The following NELL1 variants were observed in gnomAD, a reference collection of about 807,000 sequenced individuals.
NELL1 encodes protein kinase C-binding protein NELL1.
NELL1 carries 76 observed loss-of-function variants against 107.4 expected under a neutral mutation model. The observed-to-expected ratio is 0.71, with a 90% CI of 0.59 to 0.86. The LOEUF is 0.86. NELL1 is among the 40% of genes least tolerant of loss of function. The pLI is 0.00. For missense variants in NELL1, 1,024 were observed against 1,005.5 expected, an observed-to-expected ratio of 1.02 and a Z score of -0.25; for synonymous variants, 353 against 341.2, an observed-to-expected ratio of 1.03 and a Z score of -0.38.
At chr11:20,701,271 A>AT (rs1854777783) in intron 2 of NELL1, among the ~76,000 whole-genome samples, 3 of 152,164 alleles carry the variant, frequency 2.0e-5, no homozygotes, top group Admixed American at 2.0e-4. Flanking sequence ...CATGATGAGC[A>AT]TTTTTTCATG....
intron 14 of NELL1, among the ~76,000 whole-genome samples, chr11:21,368,815 A>G (rs959590739): frequency 2.0e-5 from 3 of 152,086 alleles, no homozygotes; most frequent in South Asian, 2.1e-4. Context: ...TCACAGTCAT[A>G]ACAATTCTGT....
rs140055766 is a variant in NELL1 at position 21,020,266 on chromosome 11, G to T, written c.1300+59706G>T. ...CATACCAACACAACATTATTGTGTG[G>T]TTCTCATACCATTTTACTTTAATTG... On this transcript the variant is annotated intron_variant, in intron 12 of 19. Coordinates refer to ENST00000357134, the MANE Select transcript of NELL1 (RefSeq NM_006157.5). Among the ~76,000 whole-genome samples, 383 of 152,224 alleles carry T rather than the reference G, an allele frequency of 2.5e-3. 3 individuals carry two copies. The highest frequency in any genetic ancestry group is 8.5e-3 in the African/African-American group (353 of 41,552).
At chr11:21,536,431 TATGA>T (rs1856140510) in intron 16 of NELL1, among the ~76,000 whole-genome samples, 1 of 152,192 alleles carries the variant, frequency 6.6e-6, no homozygotes, top group Admixed American at 6.5e-5. Context: ...ATGATTCACA[TATGA>T]ATTTCATTTT....
chr11:20,838,836 A>G (rs1848575911), intron 3 of NELL1, among the ~76,000 whole-genome samples: 1 of 152,150 alleles, frequency 6.6e-6, no homozygotes, highest in Admixed American at 6.6e-5. Context: ...AACCACCACT[A>G]TATATTTAGT....
chr11:21,215,276 T>C (rs1857589238), intron 13 of NELL1, among the ~76,000 whole-genome samples: 1 of 152,236 alleles, frequency 6.6e-6, no homozygotes, highest in African/African-American at 2.4e-5. Flanking sequence ...CTTCTTCTTC[T>C]GCCATGATTA....
chr11:20,975,851 T>C (rs960237099), intron 12 of NELL1, among the ~76,000 whole-genome samples: 2 of 137,646 alleles, frequency 1.5e-5, no homozygotes, highest in Non-Finnish European at 3.0e-5. Context: ...GTATTATATA[T>C]ACATATATGT....
chr11:21,189,286 A>C (rs1857000059), intron 13 of NELL1, among the ~76,000 whole-genome samples: 1 of 151,866 alleles, frequency 6.6e-6, no homozygotes, highest in Non-Finnish European at 1.5e-5. Context: ...TGTTATGTGC[A>C]TCTTTAATTT....
At chr11:21,229,068 C>T (rs981669104) in intron 13 of NELL1, among the ~76,000 whole-genome samples, 12 of 152,154 alleles carry the variant, frequency 7.9e-5, no homozygotes, top group Admixed American at 5.2e-4. Context: ...GAAGAAACAA[C>T]GGCCTTAGTG....
In NELL1 at chr11:20,885,679, A is replaced by G. The variant is rs555964013; in HGVS notation, c.603+139A>G. 15 of 608,030 alleles carry G rather than the reference A, an allele frequency of 2.5e-5. No individual in the cohort carries two copies. The African/African-American group carries it at 2.8e-4, about 11-fold the overall frequency. The allele number at this position is 608,030 out of a possible 1,614,324, so 37.7% of individuals were successfully genotyped here. ...AGCTACTAATGTTTATTGAACACTT[A>G]CTTTGTGACACATGCTTTTTTATGT... is the stretch of plus-strand genomic sequence containing the variant. On this transcript the variant is annotated intron_variant, in intron 5 of 19. Coordinates refer to ENST00000357134, the MANE Select transcript of NELL1 (RefSeq NM_006157.5).
chr11:20,815,670 TG>T (rs1857609007), intron 3 of NELL1, among the ~76,000 whole-genome samples: 1 of 152,200 alleles, frequency 6.6e-6, no homozygotes, highest in Admixed American at 6.5e-5. Context: ...AGGTCCCACT[TG>T]TTAATTTTTG....
chr11:21,305,613 A>G (rs1531005), intron 14 of NELL1, among the ~76,000 whole-genome samples: 78,461 of 151,032 alleles, frequency 0.52, 21,001 homozygotes, highest in Non-Finnish European at 0.57. Flanking sequence ...ACCAAACTAC[A>G]TATCTAGTAG....
intron 14 of NELL1, among the ~76,000 whole-genome samples, chr11:21,278,401 A>G (rs1590798400): frequency 6.6e-6 from 1 of 152,200 alleles, no homozygotes; most frequent in South Asian, 2.1e-4. Context: ...TAAAAAATCA[A>G]TTAAAAAATC....
In NELL1 at chr11:20,885,487, C is replaced by T. The variant is rs1409779456; in HGVS notation, c.550C>T (p.Pro184Ser). Residue 184 changes from proline to serine, a missense_variant, in exon 5 of 20, where the codon CCA (proline) becomes TCA (serine). Pro to Ser is a moderately conservative substitution (Grantham distance 74). Transcript: ENST00000357134. Reference sequence around the variant, plus strand: ...AGACCCTCCAGATACCAACCTTCCCCCAGGAATCAATTTATGGCTTGGCCA... The same window carrying T: ...AGACCCTCCAGATACCAACCTTCCCTCAGGAATCAATTTATGGCTTGGCCA... ...VIDPPDTNLP[P>S]GINLWLGQRN... 3 of 1,613,532 alleles carry T rather than the reference C, an allele frequency of 1.9e-6. No individual in the cohort carries two copies. The African/African-American group carries it at 4.0e-5, about 22-fold the overall frequency.
intron 4 of NELL1, among the ~76,000 whole-genome samples, chr11:20,885,197 A>G (rs541660723): frequency 6.6e-6 from 1 of 152,210 alleles, no homozygotes; most frequent in Non-Finnish European, 1.5e-5. Context: ...CATTGCTCAG[A>G]GTGGACACTC....
intron 3 of NELL1, among the ~76,000 whole-genome samples, chr11:20,821,241 T>C (rs1857745275): frequency 6.6e-6 from 1 of 152,160 alleles, no homozygotes; most frequent in African/African-American, 2.4e-5. Context: ...CACGATGCAT[T>C]ACTCCTTTCC....
At chr11:21,390,386 A>C (rs1191107734) in intron 15 of NELL1, among the ~76,000 whole-genome samples, 4 of 149,796 alleles carry the variant, frequency 2.7e-5, no homozygotes, top group African/African-American at 9.8e-5. Flanking sequence ...AATAATAATA[A>C]TAAATAATAT....
chr11:21,385,738 A>G (rs573144578), intron 15 of NELL1, among the ~76,000 whole-genome samples: 3 of 152,072 alleles, frequency 2.0e-5, no homozygotes, highest in East Asian at 1.9e-4. Flanking sequence ...TGCTTTCATT[A>G]TAAACACCAA....
Position 21,422,093 on chromosome 11 carries a change from ATATGTG to A in NELL1, c.1645+51147_1645+51152del, listed in dbSNP as rs1214271947. 8.4e-3 allele frequency among the ~76,000 whole-genome samples: 761 copies of A among 90,752 alleles called. 6 individuals are homozygous for A. Among genetic ancestry groups the A allele is most frequent in the East Asian group, 0.021 (60 of 2,834 alleles). 59.5% of individuals were successfully genotyped at this position (90,752 alleles called of 152,430 possible). On this transcript the variant is annotated intron_variant, in intron 15 of 19. Coordinates refer to ENST00000357134, the MANE Select transcript of NELL1 (RefSeq NM_006157.5). ...GAGGAGGAAATTAAGACATTTACACATATGTGTGTGTGTGTGTGTGTGTGTGTGTGT... is the reference window on the plus strand; with the variant it reads ...GAGGAGGAAATTAAGACATTTACACATGTGTGTGTGTGTGTGTGTGTGTGT...
chr11:21,534,425 GC>G lies in NELL1; in HGVS notation c.1698del (p.Cys566TrpfsTer37). The G allele has an allele frequency of 1.2e-6, 2 of 1,613,876 alleles. No homozygotes were observed. The highest frequency in any genetic ancestry group is 4.5e-5 in the East Asian group (2 of 44,830). On this transcript the variant is annotated frameshift_variant, in exon 16 of 20. Coordinates refer to ENST00000357134, the MANE Select transcript of NELL1 (RefSeq NM_006157.5). LOFTEE classifies it high-confidence loss of function. The stretch of plus-strand genomic sequence containing the variant: ...ATTGAGTGCCACAACCATTCCCGCT[GC>G]GTTAACCTGCCAGGGTGGTACCACT... ...GIIECHNHSR[C>X]VNLPGWYHCE...
Sources: allele counts gnomAD v4.1 joint callset (sites outside exome capture counted in the v4.1 genomes callset), GRCh38; gene constraint gnomAD v4.1.1; transcripts MANE v1.5; gene names NCBI Gene and HGNC (gene_info 2026-07-23, HGNC 2026-07-21).